RSRC1: variants seen among roughly 807,000 people sequenced by gnomAD.
The protein encoded by RSRC1 is arginine and serine rich coiled-coil 1.
In RSRC1, 39 loss-of-function variants were observed where a neutral mutation model predicts 49.1. The ratio of observed to expected loss-of-function variants is 0.79; its 90% CI spans 0.61 to 1.04. RSRC1 has a LOEUF of 1.04. RSRC1 is among the 50% of genes least tolerant of loss of function. The pLI is 0.00. For missense variants in RSRC1, 388 were observed against 402.4 expected, an observed-to-expected ratio of 0.96 and a Z score of 0.31; for synonymous variants, 143 against 130.8, an observed-to-expected ratio of 1.09 and a Z score of -0.63.
At chr3:158,373,817 A>G (rs1732211238) in intron 6 of RSRC1, among the ~76,000 whole-genome samples, 1 of 152,036 alleles carries the variant, frequency 6.6e-6, no homozygotes, top group Admixed American at 6.5e-5. Flanking sequence ...AAATGAATGA[A>G]TATCACCAGT....
chr3:158,394,070 T>C (rs960993564), intron 6 of RSRC1, among the ~76,000 whole-genome samples: 3 of 152,062 alleles, frequency 2.0e-5, no homozygotes, highest in Non-Finnish European at 4.4e-5. Flanking sequence ...ATCATCTCAG[T>C]AGATGCAGAA....
intron 6 of RSRC1, among the ~76,000 whole-genome samples, chr3:158,450,604 G>T (rs960753888): frequency 4.6e-5 from 7 of 151,798 alleles, no homozygotes; most frequent in Non-Finnish European, 1.0e-4. Context: ...TGAGGCAGAG[G>T]TACCTGAGGA....
intron 6 of RSRC1, among the ~76,000 whole-genome samples, chr3:158,446,077 G>A (rs1428812653): frequency 1.3e-5 from 2 of 151,902 alleles, no homozygotes; most frequent in Non-Finnish European, 2.9e-5. Context: ...TCTATTAATA[G>A]CAACAAAATA....
intron 6 of RSRC1, among the ~76,000 whole-genome samples, chr3:158,439,673 G>C (rs11915781): frequency 0.054 from 8,147 of 152,102 alleles, 319 homozygotes; most frequent in South Asian, 0.1. Flanking sequence ...GTGGGGTGGG[G>C]GGCTAGGAGA....
intron 6 of RSRC1, among the ~76,000 whole-genome samples, chr3:158,396,185 A>G (rs1733599968): frequency 6.6e-6 from 1 of 152,054 alleles, no homozygotes; most frequent in South Asian, 2.1e-4. Flanking sequence ...ACCAGGGCCT[A>G]CTTACGGCAG....
intron 7 of RSRC1, among the ~76,000 whole-genome samples, chr3:158,500,788 T>G (rs528901660): frequency 1.3e-5 from 2 of 152,160 alleles, no homozygotes; most frequent in Admixed American, 6.5e-5. Context: ...ATCTATCAAT[T>G]TTATTTATCT....
At chr3:158,194,647 T>TCCCCCCCCCCCCCCCCCCCC (rs199693726) in intron 3 of RSRC1, among the ~76,000 whole-genome samples, 1 of 80,506 alleles carries the variant, frequency 1.2e-5, no homozygotes, top group Non-Finnish European at 2.5e-5. Context: ...TCCCTCCCCC[T>TCCCCCCCCCCCCCCCCCCCC]CCCCCCACCC....
intron 6 of RSRC1, among the ~76,000 whole-genome samples, chr3:158,425,168 T>C (rs925270606): frequency 1.2e-4 from 19 of 152,192 alleles, no homozygotes; most frequent in African/African-American, 4.1e-4. Flanking sequence ...TTAATTGTGA[T>C]GTTAGGGTGT....
At chr3:158,453,207 C>T (rs28522438) in intron 6 of RSRC1, among the ~76,000 whole-genome samples, 61,071 of 128,856 alleles carry the variant, frequency 0.47, 14,065 homozygotes, top group South Asian at 0.59. Context: ...TTTCAAACTC[C>T]TGTGCACACA....
At chr3:158,389,188 T>C (rs1733140542) in intron 6 of RSRC1, among the ~76,000 whole-genome samples, 1 of 152,198 alleles carries the variant, frequency 6.6e-6, no homozygotes, top group Non-Finnish European at 1.5e-5. Context: ...ATTTCTCTAC[T>C]GATCAGAAAT....
rs1275111104 is a variant in RSRC1 at position 158,122,243 on chromosome 3, A to G, written c.139A>G (p.Lys47Glu). 1 of 1,604,384 alleles carries G rather than the reference A, an allele frequency of 6.2e-7. No homozygotes were observed. The highest frequency in any genetic ancestry group is 1.7e-5 in the Admixed American group (1 of 59,084). The change falls in exon 2 of 10, where the codon AAG becomes GAG. Residue 47 changes from lysine (K) to glutamate (E), a missense_variant. Transcript: ENST00000611884. ...GAAAGGAGGAAGGAAATCAAGATCA[A>G]AGTCAAGATCTTGGTCCAGAGATCT... ...RKKGGRKSRS[K>E]SRSWSRDLQP...
intron 5 of RSRC1, among the ~76,000 whole-genome samples, chr3:158,344,164 C>T (rs1730418433): frequency 6.6e-6 from 1 of 152,106 alleles, no homozygotes; most frequent in Admixed American, 6.5e-5. Context: ...AAGGCTGAGG[C>T]AGGAGAATTG....
rs566373926 is a variant in RSRC1, at chr3:158,202,697, T to G, written c.321-375T>G. On this transcript the variant is annotated intron_variant, in intron 3 of 9. Coordinates refer to ENST00000611884, the MANE Select transcript of RSRC1 (RefSeq NM_001271838.2). Reference sequence around the variant, plus strand: ...TGGATCAGTATTTATATTGGAACAATTAGAAATAAGAAATAAGGTTGAATA... The same window carrying G: ...TGGATCAGTATTTATATTGGAACAAGTAGAAATAAGAAATAAGGTTGAATA... Among the ~76,000 whole-genome samples, 4 of 151,258 alleles carry G rather than the reference T, an allele frequency of 2.6e-5. No individual in the cohort carries two copies. In the South Asian group the frequency reaches 8.4e-4, roughly 32 times the overall value.
intron 3 of RSRC1, among the ~76,000 whole-genome samples, chr3:158,149,246 C>G (rs1316019030): frequency 6.6e-6 from 1 of 152,024 alleles, no homozygotes; most frequent in African/African-American, 2.4e-5. Flanking sequence ...TTTGATATTT[C>G]TATTTTAGCT....
At chr3:158,285,018 T>C (rs1023540025) in intron 4 of RSRC1, among the ~76,000 whole-genome samples, 3 of 152,242 alleles carry the variant, frequency 2.0e-5, no homozygotes, top group African/African-American at 7.2e-5. Context: ...AGGGTTTTTA[T>C]GGTTTTAGGT....
rs67839411 is a variant in RSRC1, at chr3:158,477,798, T to TTATATATATATATATATATA, written c.652+16805_652+16824dup. Among the ~76,000 whole-genome samples the TTATATATATATATATATATA allele has an allele frequency of 4.6e-4, 41 of 89,746 alleles. 1 individual carries two copies. The highest frequency in any genetic ancestry group is 1.8e-3 in the African/African-American group (39 of 21,628). The allele number at this position is 89,746 out of a possible 152,430, so 58.9% of individuals were successfully genotyped here. A position where few individuals can be genotyped will look rare whatever the true frequency, so the allele number is the denominator to read the frequency against. ...TGATGGGATAGGTTGCGGGAGGGAT[T>TTATATATATATATATATATA]TATATATATATATATATATATATAT... On this transcript the variant is annotated intron_variant, in intron 7 of 9. Transcript: ENST00000611884.
intron 2 of RSRC1, 96 bp downstream of exon 2, chr3:158,122,394 C>G (rs1265108066): frequency 3.3e-6 from 3 of 908,890 alleles, no homozygotes; most frequent in Non-Finnish European, 4.7e-6. Flanking sequence ...AAACATTTTT[C>G]TTTTACTAGC....
At chr3:158,258,603 T>C (rs1724708754) in intron 4 of RSRC1, among the ~76,000 whole-genome samples, 2 of 152,176 alleles carry the variant, frequency 1.3e-5, no homozygotes, top group African/African-American at 4.8e-5. Flanking sequence ...TTTGGGAAAT[T>C]CTCTGTTTTT....
intron 3 of RSRC1, among the ~76,000 whole-genome samples, chr3:158,144,878 A>C (rs1197839079): frequency 6.6e-6 from 1 of 152,124 alleles, no homozygotes; most frequent in Non-Finnish European, 1.5e-5. Flanking sequence ...CCTTTCTCTG[A>C]TGGCCAGTGA....
Sources: allele counts gnomAD v4.1 joint callset (sites outside exome capture counted in the v4.1 genomes callset), GRCh38; gene constraint gnomAD v4.1.1; transcripts MANE v1.5; gene names NCBI Gene and HGNC (gene_info 2026-07-23, HGNC 2026-07-21).